Variants in DIP2B observed in about 807,000 individuals in gnomAD.
The protein encoded by DIP2B is disco-interacting protein 2 homolog B.
Under a neutral mutation model 198.0 loss-of-function variants are expected in DIP2B, and 76 were observed. The observed-to-expected ratio is 0.38, with a 90% CI of 0.32 to 0.46. The LOEUF (loss-of-function observed/expected upper bound fraction) is 0.46. Among genes scored for constraint, DIP2B ranks in the 20% least tolerant of loss-of-function variants. DIP2B has a pLI of 0.99. For missense variants in DIP2B, 1,559 were observed against 1,978.4 expected (o/e 0.79, Z 4.02); for synonymous variants, 701 against 739.1 (o/e 0.95, Z 0.84).
intron 1 of DIP2B, among the ~76,000 whole-genome samples, chr12:50,590,359 A>G (rs2065387114): frequency 6.6e-6 from 1 of 151,556 alleles, no homozygotes; most frequent in Admixed American, 6.6e-5. Flanking sequence ...TTGTGGCCCA[A>G]GGAGTGATTT....
intron 19 of DIP2B, among the ~76,000 whole-genome samples, chr12:50,703,148 A>G (rs1384872368): frequency 1.3e-5 from 2 of 151,578 alleles, no homozygotes; most frequent in East Asian, 1.9e-4. Flanking sequence ...GTTTGAGCCT[A>G]GGATTTTGAG....
At chr12:50,681,496 A>C (rs1335499072) in intron 9 of DIP2B, among the ~76,000 whole-genome samples, 1 of 152,212 alleles carries the variant, frequency 6.6e-6, no homozygotes, top group Non-Finnish European at 1.5e-5. Flanking sequence ...TCTTATGTAA[A>C]AAGAGAGGAA....
chr12:50,622,116 G>A (rs1350285510), intron 1 of DIP2B, among the ~76,000 whole-genome samples: 1 of 152,164 alleles, frequency 6.6e-6, no homozygotes, highest in Non-Finnish European at 1.5e-5. Context: ...GCCAGGGTAG[G>A]GGGTGGAGGT....
chr12:50,552,291 G>A (rs1308173451), intron 1 of DIP2B, among the ~76,000 whole-genome samples: 2 of 148,226 alleles, frequency 1.3e-5, no homozygotes, highest in African/African-American at 5.0e-5. Context: ...TTTTTGAGAC[G>A]GAGTCTCACT....
At chr12:50,654,356 CTT>C (rs762869779) in intron 3 of DIP2B, among the ~76,000 whole-genome samples, 15 of 131,414 alleles carry the variant, frequency 1.1e-4, no homozygotes, top group East Asian at 2.3e-4. Flanking sequence ...TTCTTTCTTT[CTT>C]TTTTTTTTTT....
intron 16 of DIP2B, among the ~76,000 whole-genome samples, chr12:50,696,282 C>T (rs1939310369): frequency 6.6e-6 from 1 of 152,210 alleles, no homozygotes; most frequent in Non-Finnish European, 1.5e-5. Context: ...CTTATAAATG[C>T]AGTCATGCAG....
chr12:50,554,265 C>A (rs1958450361), intron 1 of DIP2B, among the ~76,000 whole-genome samples: 1 of 152,128 alleles, frequency 6.6e-6, no homozygotes, highest in African/African-American at 2.4e-5. Context: ...TTCCATACCA[C>A]TTTTCCCTCC....
chr12:50,560,788 T>A (rs1958513405), intron 1 of DIP2B, among the ~76,000 whole-genome samples: 1 of 151,906 alleles, frequency 6.6e-6, no homozygotes, highest in Non-Finnish European at 1.5e-5. Context: ...TTTCTCAAAT[T>A]ATATTCTGAT....
chr12:50,566,205 G>C (rs570670698), intron 1 of DIP2B, among the ~76,000 whole-genome samples: 1 of 152,006 alleles, frequency 6.6e-6, no homozygotes, highest in Non-Finnish European at 1.5e-5. Flanking sequence ...ACCATGCCCA[G>C]CTAATTTGTT....
At chr12:50,699,897 CA>C (rs71441394) in intron 19 of DIP2B, among the ~76,000 whole-genome samples, 78 of 141,744 alleles carry the variant, frequency 5.5e-4, no homozygotes, top group Admixed American at 8.4e-4. Context: ...ACAACAAAAC[CA>C]AAAAAAAAAA....
intron 1 of DIP2B, among the ~76,000 whole-genome samples, chr12:50,608,309 AC>A (rs1233449795): frequency 6.6e-6 from 1 of 152,228 alleles, no homozygotes; most frequent in African/African-American, 2.4e-5. Flanking sequence ...CTGAAAACTT[AC>A]GTGGAAACAG....
chr12:50,726,686 A>G (rs1201206997), intron 28 of DIP2B, among the ~76,000 whole-genome samples: 4 of 150,376 alleles, frequency 2.7e-5, no homozygotes, highest in Admixed American at 1.3e-4. Context: ...TTTTTTAAAG[A>G]GACATGATCT....
chr12:50,682,804 A>G (rs1323802232), intron 9 of DIP2B, among the ~76,000 whole-genome samples: 4 of 152,126 alleles, frequency 2.6e-5, no homozygotes, highest in Non-Finnish European at 4.4e-5. Context: ...CCCTACACTA[A>G]AGTAAATTGC....
At position 50,741,557 on chromosome 12, in the gene DIP2B, C is replaced by A; in HGVS notation, c.4478+18C>A. On this transcript the variant is annotated intron_variant, in intron 37 of 37. Transcript: ENST00000301180. ...GCTGAATGGTAACTCCCTCAGCATA[C>A]ACTGTGCTTCCCACTTCAGCTTTAG... 1 of 1,607,080 alleles carries A rather than the reference C, an allele frequency of 6.2e-7. No individual in the cohort carries two copies. Among genetic ancestry groups the A allele is most frequent in the Non-Finnish European group, 8.5e-7 (1 of 1,176,362 alleles).
chr12:50,560,774 A>C (rs1039457385), intron 1 of DIP2B, among the ~76,000 whole-genome samples: 1 of 152,136 alleles, frequency 6.6e-6, no homozygotes, highest in Non-Finnish European at 1.5e-5. Context: ...TAAATAAAAA[A>C]GTCTTTCTCA....
At chr12:50,681,029 C>T (rs1221237039) in intron 9 of DIP2B, among the ~76,000 whole-genome samples, 2 of 152,140 alleles carry the variant, frequency 1.3e-5, no homozygotes, top group Non-Finnish European at 2.9e-5. Context: ...GAAAGAGAAA[C>T]CTTAGTCTTT....
intron 1 of DIP2B, among the ~76,000 whole-genome samples, chr12:50,620,309 G>C (rs1264167318): frequency 6.6e-6 from 1 of 152,200 alleles, no homozygotes; most frequent in Non-Finnish European, 1.5e-5. Flanking sequence ...AAGATGATTT[G>C]TGGGCCACTT....
At chr12:50,650,084 C>A (rs1938427642) in intron 3 of DIP2B, among the ~76,000 whole-genome samples, 1 of 151,954 alleles carries the variant, frequency 6.6e-6, no homozygotes, top group African/African-American at 2.4e-5. Context: ...GTGGTGGGTG[C>A]CTGTAATCCT....
intron 1 of DIP2B, among the ~76,000 whole-genome samples, chr12:50,537,113 AATTTTTTTT>A (rs1958276138): frequency 6.5e-5 from 2 of 30,558 alleles, no homozygotes; most frequent in Non-Finnish European, 1.2e-4. Context: ...ATTATTCTCT[AATTTTTTTT>A]TTTTTTTTTT....
Sources: gnomAD v4.1 joint callset for allele counts (sites outside exome capture counted in the v4.1 genomes callset) on GRCh38, gnomAD v4.1.1 for gene constraint, MANE v1.5 for transcripts, NCBI Gene and HGNC (gene_info 2026-07-23, HGNC 2026-07-21) for gene names.